CADM2: variants seen among roughly 807,000 people sequenced by gnomAD.
CADM2 encodes the protein immunoglobulin superfamily member 4D.
CADM2 carries 12 observed loss-of-function variants against 49.8 expected under a neutral mutation model. That is an observed-to-expected ratio of 0.24 (90% CI 0.15 to 0.39). The LOEUF is 0.39. Ranked by LOEUF, CADM2 falls within the 10% of genes least tolerant of loss-of-function variation. The pLI is 1.00. For synonymous variants in CADM2, 214 were observed against 175.4 expected (o/e 1.22, Z -1.74); for missense variants, 378 against 492.3 (o/e 0.77, Z 2.20).
chr3:85,158,122 A>C (rs1367740040), intron 1 of CADM2, among the ~76,000 whole-genome samples: 1 of 152,244 alleles, frequency 6.6e-6, no homozygotes, highest in Non-Finnish European at 1.5e-5. Flanking sequence ...AGAGAAATGC[A>C]AATCGAAACC....
chr3:85,465,323 T>TA (rs1326670198), intron 1 of CADM2, among the ~76,000 whole-genome samples: 2 of 152,220 alleles, frequency 1.3e-5, no homozygotes, highest in Non-Finnish European at 2.9e-5. Flanking sequence ...TGGTTTGAGA[T>TA]ATAATCATCT....
At chr3:85,062,614 A>G (rs2036373253) in intron 1 of CADM2, among the ~76,000 whole-genome samples, 1 of 151,922 alleles carries the variant, frequency 6.6e-6, no homozygotes, top group Admixed American at 6.6e-5. Context: ...AACAAGTAAT[A>G]TAATTCTATA....
At chr3:85,897,039 G>C (rs980085139) in intron 5 of CADM2, among the ~76,000 whole-genome samples, 1 of 151,962 alleles carries the variant, frequency 6.6e-6, no homozygotes, top group Non-Finnish European at 1.5e-5. Flanking sequence ...TGGGATTAGA[G>C]ACTAATAAGC....
intron 1 of CADM2, among the ~76,000 whole-genome samples, chr3:85,370,289 G>A (rs552394316): frequency 1.9e-3 from 286 of 150,448 alleles, no homozygotes; most frequent in Non-Finnish European, 3.6e-3. Flanking sequence ...GTGTGGTGGC[G>A]GGGGCGCCTG....
chr3:85,746,064 T>C (rs574439518), intron 2 of CADM2, among the ~76,000 whole-genome samples: 1 of 152,292 alleles, frequency 6.6e-6, no homozygotes, highest in African/African-American at 2.4e-5. Flanking sequence ...TAAAAACGTT[T>C]AATGTTTACT....
chr3:85,674,520 G>A (rs1408765811), intron 1 of CADM2, among the ~76,000 whole-genome samples: 5 of 152,082 alleles, frequency 3.3e-5, no homozygotes, highest in Non-Finnish European at 7.4e-5. Flanking sequence ...AAATGTTTGT[G>A]CTCTAGAGAG....
At chr3:85,417,676 C>A (rs530144653) in intron 1 of CADM2, among the ~76,000 whole-genome samples, 1 of 152,204 alleles carries the variant, frequency 6.6e-6, no homozygotes, top group South Asian at 2.1e-4. Flanking sequence ...TGGTTATTAT[C>A]TTCAAAAAAC....
At chr3:85,682,970 T>A (rs2066082137) in intron 1 of CADM2, among the ~76,000 whole-genome samples, 1 of 152,116 alleles carries the variant, frequency 6.6e-6, no homozygotes, top group African/African-American at 2.4e-5. Flanking sequence ...AAAATTAATC[T>A]CATGTCTTAT....
At chr3:85,138,319 T>C (rs2039478528) in intron 1 of CADM2, among the ~76,000 whole-genome samples, 1 of 152,126 alleles carries the variant, frequency 6.6e-6, no homozygotes, top group South Asian at 2.1e-4. Flanking sequence ...CCATTGGAAA[T>C]GAGATTGTAC....
chr3:85,291,378 A>C (rs957455980), intron 1 of CADM2, among the ~76,000 whole-genome samples: 1 of 151,364 alleles, frequency 6.6e-6, no homozygotes, highest in Non-Finnish European at 1.5e-5. Flanking sequence ...GATATTATCC[A>C]TGAGAACTTC....
intron 1 of CADM2, among the ~76,000 whole-genome samples, chr3:85,118,637 G>A (rs1194415511): frequency 1.3e-5 from 2 of 152,172 alleles, no homozygotes; most frequent in Non-Finnish European, 2.9e-5. Flanking sequence ...TGTGGGAATT[G>A]TGGGAGCTAC....
intron 1 of CADM2, among the ~76,000 whole-genome samples, chr3:85,446,590 TTTTTTTG>T (rs1218992763): frequency 2.9e-5 from 4 of 139,714 alleles, no homozygotes; most frequent in Non-Finnish European, 4.6e-5. Context: ...GTGTGTGAGT[TTTTTTTG>T]TTTTTTGTTT....
intron 2 of CADM2, among the ~76,000 whole-genome samples, chr3:85,772,008 CTTTTTT>C (rs397938377): frequency 8.0e-5 from 9 of 112,222 alleles, no homozygotes; most frequent in East Asian, 2.6e-4. Flanking sequence ...TTCTTTCTTT[CTTTTTT>C]TTTTTTTTTT....
intron 3 of CADM2, among the ~76,000 whole-genome samples, chr3:85,863,995 G>T (rs769472475): frequency 5.9e-5 from 9 of 152,160 alleles, no homozygotes; most frequent in Admixed American, 3.3e-4. Flanking sequence ...TATTGGTTAT[G>T]AAAACGTGAA....
intron 1 of CADM2, among the ~76,000 whole-genome samples, chr3:85,563,390 CAG>C (rs1043487992): frequency 1.6e-5 from 2 of 125,964 alleles, no homozygotes; most frequent in African/African-American, 5.2e-5. Flanking sequence ...ATTGCAAAAA[CAG>C]GGAATTTTTG....
intron 1 of CADM2, among the ~76,000 whole-genome samples, chr3:85,414,532 C>T (rs1045451260): frequency 2.0e-5 from 3 of 152,038 alleles, no homozygotes; most frequent in African/African-American, 7.2e-5. Flanking sequence ...TCTCTTTCAA[C>T]CAATACAAGT....
chr3:85,826,892 C>A lies in CADM2; in HGVS notation c.238+24696C>A, dbSNP rs566320465. Among the ~76,000 whole-genome samples, 384 of 152,070 alleles carry A rather than the reference C, an allele frequency of 2.5e-3. 1 individual carries two copies. The highest frequency in any genetic ancestry group is 9.0e-3 in the African/African-American group (372 of 41,532). ...ACAGCAATCACTTTTGAAGAAATAT[C>A]ACTGCAATTACAAATCAAGTGGAAG... On this transcript the variant is annotated intron_variant, in intron 3 of 9. Coordinates refer to ENST00000383699, the MANE Select transcript of CADM2 (RefSeq NM_001167675.2).
intron 1 of CADM2, among the ~76,000 whole-genome samples, chr3:85,262,871 T>C (rs539255322): frequency 1.3e-5 from 2 of 150,268 alleles, no homozygotes; most frequent in South Asian, 4.1e-4. Context: ...ATTTAAAAAA[T>C]GTTAAATCAT....
intron 1 of CADM2, among the ~76,000 whole-genome samples, chr3:85,551,904 T>G (rs2061811535): frequency 6.6e-6 from 1 of 152,362 alleles, no homozygotes; most frequent in Non-Finnish European, 1.5e-5. Flanking sequence ...TGTGTTTTAC[T>G]TACAGTTATT....
Sources: gnomAD v4.1 joint callset for allele counts (sites outside exome capture counted in the v4.1 genomes callset) on GRCh38, gnomAD v4.1.1 for gene constraint, MANE v1.5 for transcripts, NCBI Gene and HGNC (gene_info 2026-07-23, HGNC 2026-07-21) for gene names.